Variants in KIRREL3 observed in about 807,000 individuals in gnomAD.
KIRREL3 encodes the protein kirre like nephrin family adhesion molecule 3.
In KIRREL3, 36 loss-of-function variants were observed where a neutral mutation model predicts 89.7. That is an observed-to-expected ratio of 0.40 (90% CI 0.31 to 0.53). KIRREL3 has a LOEUF of 0.53. Ranked by LOEUF, KIRREL3 falls within the 20% of genes least tolerant of loss-of-function variation. The probability of loss-of-function intolerance (pLI) is 0.49; values close to 1 mark genes in which losing one functional copy is unlikely to be tolerated. For synonymous variants in KIRREL3, 445 were observed against 441.4 expected (o/e 1.01, Z -0.10); for missense variants, 864 against 1,056.6 (o/e 0.82, Z 2.53).
rs1940775049 is a variant in KIRREL3, at chr11:126,569,595, A to G, written c.56-6683T>C. ...GCTATACAAGACATATACTTAAGAA[A>G]AGGTAACTAAAAGTCAGAGACAGGT... On this transcript the variant is annotated intron_variant, in intron 1 of 16. Coordinates refer to ENST00000525144, the MANE Select transcript of KIRREL3 (RefSeq NM_032531.4). This position sits in a 1 kb window ranked among gnomAD's most constrained non-coding sequence, Gnocchi z 6.5. 6.6e-6 allele frequency among the ~76,000 whole-genome samples: 1 copy of G among 152,240 alleles called. No individual in the cohort carries two copies. Among genetic ancestry groups the G allele is most frequent in the Non-Finnish European group, 1.5e-5 (1 of 68,036 alleles).
rs1954971943 is a variant in KIRREL3 at position 126,427,122 on chromosome 11, G to A, written c.1807-1398C>T. 1.3e-5 allele frequency among the ~76,000 whole-genome samples: 2 copies of A among 152,324 alleles called. No homozygotes were observed. The highest frequency in any genetic ancestry group is 2.1e-4 in the South Asian group (1 of 4,824). On this transcript the variant is annotated intron_variant, in intron 15 of 16. Transcript: ENST00000525144. This position sits in a 1 kb window ranked among gnomAD's most constrained non-coding sequence, Gnocchi z 5.3. Reference sequence around the variant, plus strand: ...AGGCAAACAGAATGTTTGCCGATGGGAGAGAATTCAAGGTCCCGTTTGGGA... The same window carrying A: ...AGGCAAACAGAATGTTTGCCGATGGAAGAGAATTCAAGGTCCCGTTTGGGA...
At chr11:126,646,806 G>A (rs578202074) in intron 1 of KIRREL3, among the ~76,000 whole-genome samples, 6 of 152,190 alleles carry the variant, frequency 3.9e-5, no homozygotes, top group African/African-American at 9.6e-5. Flanking sequence ...GATCTATGCT[G>A]TCAATTGTAA....
In KIRREL3 at chr11:126,476,340, G is replaced by A. The variant is rs1957063692; in HGVS notation, c.434-2874C>T. On this transcript the variant is annotated intron_variant, in intron 4 of 16. Coordinates refer to ENST00000525144, the MANE Select transcript of KIRREL3 (RefSeq NM_032531.4). The surrounding 1 kb of genome is among the most constrained non-coding windows in gnomAD (Gnocchi z 6.4). ...TGGGCTCTGGACTCTGGGCTGAGGG[G>A]CAGGAGCCTCTGCTTGCTCTGAGCA... Among the ~76,000 whole-genome samples the A allele has an allele frequency of 6.6e-6, 1 of 152,230 alleles. No homozygotes were observed. The highest frequency in any genetic ancestry group is 6.5e-5 in the Admixed American group (1 of 15,284).
In KIRREL3 at chr11:126,870,255, C is replaced by T; in HGVS notation, c.55+130200G>A. On this transcript the variant is annotated intron_variant, in intron 1 of 16. Transcript: ENST00000525144. The surrounding 1 kb of genome is among the most constrained non-coding windows in gnomAD (Gnocchi z 4.4). ...ATTCTGCCAGGGACCACACTGAACA[C>T]CCTCCTCAAGATGCCAGGGCTGCCT... Among the ~76,000 whole-genome samples, 1 of 152,184 alleles carries T rather than the reference C, an allele frequency of 6.6e-6. No individual in the cohort carries two copies. Among genetic ancestry groups the T allele is most frequent in the East Asian group, 1.9e-4 (1 of 5,188 alleles).
chr11:126,927,428 A>G (rs1175398917), intron 1 of KIRREL3, among the ~76,000 whole-genome samples: 1 of 152,226 alleles, frequency 6.6e-6, no homozygotes, highest in Non-Finnish European at 1.5e-5. Flanking sequence ...TTGCAATGCT[A>G]GGAGTTAACT....
At chr11:126,440,187 A>T (rs878830) in intron 11 of KIRREL3, 434,172 of 674,790 alleles carry the variant, frequency 0.64, 143,982 homozygotes, top group Non-Finnish European at 0.7. Flanking sequence ...TGCCCTTAGG[A>T]TGCGGAATTT....
intron 1 of KIRREL3, among the ~76,000 whole-genome samples, chr11:126,597,269 G>A (rs746147485): frequency 2.0e-5 from 3 of 152,218 alleles, no homozygotes; most frequent in Admixed American, 1.3e-4. Context: ...CTGCAGCTCC[G>A]CAATGTCGGG....
In KIRREL3 at chr11:126,748,353, G is replaced by A. The variant is rs149347298; in HGVS notation, c.56-185441C>T. On this transcript the variant is annotated intron_variant, in intron 1 of 16. Coordinates refer to ENST00000525144, the MANE Select transcript of KIRREL3 (RefSeq NM_032531.4). The surrounding 1 kb of genome is among the most constrained non-coding windows in gnomAD (Gnocchi z 4.6). ...AGAACTAAATGTTTTCTAGGTCACC[G>A]CCTGATCAAGTCCCCACTTAAACAA... Among the ~76,000 whole-genome samples, 502 of 152,298 alleles carry A rather than the reference G, an allele frequency of 3.3e-3. 4 individuals are homozygous for A. The highest frequency in any genetic ancestry group is 0.012 in the African/African-American group (478 of 41,564).
At chr11:126,816,188 G>A (rs1358467497) in intron 1 of KIRREL3, among the ~76,000 whole-genome samples, 1 of 152,164 alleles carries the variant, frequency 6.6e-6, no homozygotes, top group Non-Finnish European at 1.5e-5. Context: ...TATAAATATG[G>A]AATGCCAGTA....
At chr11:126,777,751 T>G (rs936178679) in intron 1 of KIRREL3, among the ~76,000 whole-genome samples, 5 of 152,178 alleles carry the variant, frequency 3.3e-5, no homozygotes, top group African/African-American at 1.2e-4. Context: ...GCTAAATCAG[T>G]GTGAACATCT....
At chr11:126,596,785 T>G (rs1942419880) in intron 1 of KIRREL3, among the ~76,000 whole-genome samples, 1 of 152,128 alleles carries the variant, frequency 6.6e-6, no homozygotes, top group African/African-American at 2.4e-5. Context: ...AAGCAACTAT[T>G]AATAAGGTAA....
rs1592071056 is a variant in KIRREL3 at position 126,750,620 on chromosome 11, C to A, written c.56-187708G>T. Among the ~76,000 whole-genome samples, 1 of 152,220 alleles carries A rather than the reference C, an allele frequency of 6.6e-6. No homozygotes were observed. ...GAACTGTTTAGTGGGAAAGAATCAACCTGTGTTGCCAATCATTCTGCTGTG... is the reference window on the plus strand; with the variant it reads ...GAACTGTTTAGTGGGAAAGAATCAAACTGTGTTGCCAATCATTCTGCTGTG... On this transcript the variant is annotated intron_variant, in intron 1 of 16. Transcript: ENST00000525144. This position sits in a 1 kb window ranked among gnomAD's most constrained non-coding sequence, Gnocchi z 4.2.
At chr11:126,851,535 C>A (rs771657626) in intron 1 of KIRREL3, among the ~76,000 whole-genome samples, 3 of 152,138 alleles carry the variant, frequency 2.0e-5, no homozygotes, top group Non-Finnish European at 4.4e-5. Flanking sequence ...TATCTACTCC[C>A]CGACTCTTAC....
chr11:126,730,709 C>A (rs1305223645), intron 1 of KIRREL3, among the ~76,000 whole-genome samples: 1 of 152,146 alleles, frequency 6.6e-6, no homozygotes, highest in Non-Finnish European at 1.5e-5. Flanking sequence ...GTAAAGAAAA[C>A]CTGGCTTACA....
In KIRREL3 at chr11:126,955,102, G is replaced by T. The variant is rs1049716082; in HGVS notation, c.55+45353C>A. Reference sequence around the variant, plus strand: ...CCCTGAAGGCCACATCTGCCTGAGGGGGTACTGCTGCAGGCGTGTGGCTTT... The same window carrying T: ...CCCTGAAGGCCACATCTGCCTGAGGTGGTACTGCTGCAGGCGTGTGGCTTT... On this transcript the variant is annotated intron_variant, in intron 1 of 16. Coordinates refer to ENST00000525144, the MANE Select transcript of KIRREL3 (RefSeq NM_032531.4). The surrounding 1 kb of genome is among the most constrained non-coding windows in gnomAD (Gnocchi z 4.6). Among the ~76,000 whole-genome samples the T allele has an allele frequency of 6.6e-6, 1 of 152,204 alleles. No individual in the cohort carries two copies. Among genetic ancestry groups the T allele is most frequent in the African/African-American group, 2.4e-5 (1 of 41,444 alleles).
rs1944079008 is a variant in KIRREL3 at position 126,844,625 on chromosome 11, G to A, written c.55+155830C>T. On this transcript the variant is annotated intron_variant, in intron 1 of 16. Transcript: ENST00000525144. This position sits in a 1 kb window ranked among gnomAD's most constrained non-coding sequence, Gnocchi z 4.8. Reference sequence around the variant, plus strand: ...AACTTGAGTTTGAGGCCCAACTTAGGAAGGTTAGAGTCCTTCCTAAGATTT... The same window carrying A: ...AACTTGAGTTTGAGGCCCAACTTAGAAAGGTTAGAGTCCTTCCTAAGATTT... 6.6e-6 allele frequency among the ~76,000 whole-genome samples: 1 copy of A among 152,158 alleles called. No homozygotes were observed. Among genetic ancestry groups the A allele is most frequent in the African/African-American group, 2.4e-5 (1 of 41,434 alleles).
intron 1 of KIRREL3, among the ~76,000 whole-genome samples, chr11:126,699,590 G>T (rs911403530): frequency 6.6e-6 from 1 of 151,970 alleles, no homozygotes; most frequent in Non-Finnish European, 1.5e-5. Context: ...TTATTTGTTA[G>T]CTATTTTACC....
At chr11:126,960,309 G>C (rs930815073) in intron 1 of KIRREL3, among the ~76,000 whole-genome samples, 1 of 152,166 alleles carries the variant, frequency 6.6e-6, no homozygotes, top group Non-Finnish European at 1.5e-5. Flanking sequence ...CCTACCATGG[G>C]ATAGGACAAA....
At chr11:126,447,120 G>A (rs2134197491) in intron 8 of KIRREL3, among the ~76,000 whole-genome samples, 1 of 152,284 alleles carries the variant, frequency 6.6e-6, no homozygotes, top group Middle Eastern at 3.4e-3. Flanking sequence ...CGCCTCTCTT[G>A]GGCCCATGGA....
Sources: gnomAD v4.1 joint callset for allele counts (sites outside exome capture counted in the v4.1 genomes callset) on GRCh38, gnomAD v4.1.1 for gene constraint, Gnocchi (gnomAD v3.1) non-coding constraint, MANE v1.5 for transcripts, NCBI Gene and HGNC (gene_info 2026-07-23, HGNC 2026-07-21) for gene names.